Variants in PIWIL2 observed in about 807,000 individuals in gnomAD.
PIWIL2 encodes piwi-like protein 2.
A neutral mutation model predicts 116.5 loss-of-function variants in PIWIL2; 81 were observed. The observed-to-expected ratio is 0.70, with a 90% CI of 0.58 to 0.84. The LOEUF is 0.84. Ranked by LOEUF, PIWIL2 falls within the 40% of genes least tolerant of loss-of-function variation. The pLI, the probability that PIWIL2 is intolerant of heterozygous loss-of-function variation, is 0.00. For missense variants in PIWIL2, 1,272 were observed against 1,212.3 expected, an observed-to-expected ratio of 1.05 and a Z score of -0.73; for synonymous variants, 489 against 429.5, an observed-to-expected ratio of 1.14 and a Z score of -1.71.
At chr8:22,315,339 G>T (rs567818938) in intron 18 of PIWIL2, among the ~76,000 whole-genome samples, 194 bp downstream of exon 18, 1 of 152,102 alleles carries the variant, frequency 6.6e-6, no homozygotes. Flanking sequence ...TTTTTGAGAC[G>T]GATTCTTGTT....
intron 10 of PIWIL2, among the ~76,000 whole-genome samples, chr8:22,295,747 G>A (rs1586549565): frequency 6.6e-6 from 1 of 152,292 alleles, no homozygotes; most frequent in East Asian, 1.9e-4. Flanking sequence ...TTTCCTGGAG[G>A]TGAGAAGAGC....
chr8:22,305,194 T>TTTATTTATTTAC (rs1563376341), intron 12 of PIWIL2, among the ~76,000 whole-genome samples: 1 of 151,156 alleles, frequency 6.6e-6, no homozygotes, highest in Admixed American at 6.6e-5. Flanking sequence ...TATTTATTTA[T>TTTATTTATTTAC]TTATTTATTT....
chr8:22,347,482 G>C (rs535401513), intron 20 of PIWIL2, among the ~76,000 whole-genome samples: 4 of 148,660 alleles, frequency 2.7e-5, no homozygotes, highest in African/African-American at 7.4e-5. Context: ...CTCCCAAAGT[G>C]CTGGGATTAC....
At chr8:22,276,269 A>G (rs1163271232) in intron 1 of PIWIL2, among the ~76,000 whole-genome samples, 2 of 152,188 alleles carry the variant, frequency 1.3e-5, no homozygotes, top group Non-Finnish European at 2.9e-5. Context: ...TATTTTCTTT[A>G]AATGTATGAT....
chr8:22,338,945 A>C (rs1215945891), intron 20 of PIWIL2, among the ~76,000 whole-genome samples: 1 of 152,232 alleles, frequency 6.6e-6, no homozygotes, highest in Non-Finnish European at 1.5e-5. Context: ...CTTGTTACAG[A>C]GATAAACAAG....
chr8:22,292,028 T>C (rs1295478831), intron 10 of PIWIL2, among the ~76,000 whole-genome samples: 2 of 152,060 alleles, frequency 1.3e-5, no homozygotes, highest in South Asian at 2.1e-4. Context: ...GGTAAGAGGT[T>C]AGCCAGGTGA....
chr8:22,327,770 A>G (rs1308847623), intron 20 of PIWIL2, among the ~76,000 whole-genome samples: 1 of 152,188 alleles, frequency 6.6e-6, no homozygotes, highest in African/African-American at 2.4e-5. Flanking sequence ...CGTTTGTGTC[A>G]TTCAAATCCT....
At chr8:22,323,682 G>A (rs996133171) in intron 20 of PIWIL2, among the ~76,000 whole-genome samples, 2 of 152,146 alleles carry the variant, frequency 1.3e-5, no homozygotes, top group African/African-American at 4.8e-5. Flanking sequence ...TCATCTCATA[G>A]TACAATAGTA....
At chr8:22,324,239 G>A (rs867120152) in intron 20 of PIWIL2, among the ~76,000 whole-genome samples, 1 of 152,174 alleles carries the variant, frequency 6.6e-6, no homozygotes, top group Admixed American at 6.5e-5. Context: ...TCCAGTCTGG[G>A]CGACAAAGCA....
chr8:22,289,847 G>C lies in PIWIL2; in HGVS notation c.987G>C (p.Arg329=), dbSNP rs770398360. Reference sequence around the variant, plus strand: ...AACTCATACTTGCTTTTTATTTCAGGGTAATGAAACTTTTAGATATGAAGC... The same window carrying C: ...AACTCATACTTGCTTTTTATTTCAGCGTAATGAAACTTTTAGATATGAAGC... ...CIPFYNVVFR[R]VMKLLDMKLV... is the part of the protein sequence containing the mutation. Residue 329 remains arginine, a splice_region_variant and synonymous_variant, in exon 9 of 23, where the codon CGG becomes CGC. Transcript: ENST00000356766. 1 of 1,585,258 alleles carries C rather than the reference G, an allele frequency of 6.3e-7. No homozygotes were observed. The highest frequency in any genetic ancestry group is 1.1e-5 in the South Asian group (1 of 90,280).
At chr8:22,305,419 C>T (rs893261646) in intron 12 of PIWIL2, among the ~76,000 whole-genome samples, 15 of 152,200 alleles carry the variant, frequency 9.9e-5, no homozygotes, top group African/African-American at 2.4e-4. Flanking sequence ...GTCTCGATCT[C>T]CTGACCTCGT....
At chr8:22,338,989 A>G (rs1832044094) in intron 20 of PIWIL2, among the ~76,000 whole-genome samples, 1 of 152,220 alleles carries the variant, frequency 6.6e-6, no homozygotes, top group African/African-American at 2.4e-5. Flanking sequence ...ATAGACTCAA[A>G]TCAGTGAAGT....
chr8:22,294,051 G>A (rs1488934367), intron 10 of PIWIL2, among the ~76,000 whole-genome samples: 1 of 151,976 alleles, frequency 6.6e-6, no homozygotes, highest in African/African-American at 2.4e-5. Context: ...AATTTATTTT[G>A]TTTTGGCCAG....
Position 22,316,260 on chromosome 8 carries a change from A to G in PIWIL2, c.2224A>G (p.Ile742Val), listed in dbSNP as rs1388948180. 6.2e-7 allele frequency: 1 copy of G among 1,611,846 alleles called. No individual in the cohort carries two copies. Among genetic ancestry groups the G allele is most frequent in the African/African-American group, 1.3e-5 (1 of 74,846 alleles). Residue 742 changes from isoleucine (I) to valine (V), a missense_variant, in exon 19 of 23, where the codon ATC (isoleucine) becomes GTC (valine). Coordinates refer to ENST00000356766, the MANE Select transcript of PIWIL2 (RefSeq NM_018068.5). ...TCTAAACTAGAAACAGTTAATGGTG[A>G]TCGGGATGGATGTTTACCATGACCC... ...VDIPLKQLMV[I>V]GMDVYHDPSR...
At chr8:22,324,911 T>G (rs1215801234) in intron 20 of PIWIL2, among the ~76,000 whole-genome samples, 13 of 152,146 alleles carry the variant, frequency 8.5e-5, no homozygotes, top group Admixed American at 7.2e-4. Context: ...GAGAGAGGCA[T>G]GAACAGATCT....
At chr8:22,347,458 C>G (rs1390660303) in intron 20 of PIWIL2, among the ~76,000 whole-genome samples, 5 of 150,084 alleles carry the variant, frequency 3.3e-5, no homozygotes, top group Non-Finnish European at 5.9e-5. Flanking sequence ...ACCTTGTGAT[C>G]TGCTCGCCTC....
intron 2 of PIWIL2, among the ~76,000 whole-genome samples, chr8:22,280,164 C>G (rs73670403): frequency 0.049 from 7,432 of 152,256 alleles, 606 homozygotes; most frequent in African/African-American, 0.17. Context: ...TCCATCCCTC[C>G]ATCTGTAATT....
chr8:22,301,973 C>T (rs758938266), intron 10 of PIWIL2, among the ~76,000 whole-genome samples: 5 of 152,012 alleles, frequency 3.3e-5, no homozygotes, highest in Non-Finnish European at 7.4e-5. Context: ...CACAAATGTC[C>T]CTCTGAGCAC....
chr8:22,290,421 C>T (rs1830732953), intron 10 of PIWIL2, 75 bp downstream of exon 10: 1 of 771,276 alleles, frequency 1.3e-6, no homozygotes, highest in African/African-American at 1.7e-5. Flanking sequence ...GGTAATAACA[C>T]ACATTAGACA....
Sources: allele counts gnomAD v4.1 joint callset (sites outside exome capture counted in the v4.1 genomes callset), GRCh38; gene constraint gnomAD v4.1.1; transcripts MANE v1.5; gene names NCBI Gene and HGNC (gene_info 2026-07-23, HGNC 2026-07-21).